Variants in TAF3 observed in about 807,000 individuals in gnomAD.
The protein encoded by TAF3 is TATA-box binding protein associated factor 3.
Under a neutral mutation model 80.6 loss-of-function variants are expected in TAF3, and 7 were observed. That is an observed-to-expected ratio of 0.09 (90% CI 0.05 to 0.16). The LOEUF (loss-of-function observed/expected upper bound fraction) is 0.16, where lower values mean the gene tolerates loss of function less well. Ranked by LOEUF, TAF3 falls within the 10% of genes least tolerant of loss-of-function variation. The pLI is 1.00. For synonymous variants in TAF3, 444 were observed against 446.1 expected, an observed-to-expected ratio of 1.00 and a Z score of 0.06; for missense variants, 921 against 1,140.2, an observed-to-expected ratio of 0.81 and a Z score of 2.77.
At chr10:7,826,473 C>T (rs927718975) in intron 2 of TAF3, among the ~76,000 whole-genome samples, 2 of 147,036 alleles carry the variant, frequency 1.4e-5, no homozygotes, top group African/African-American at 4.9e-5. Context: ...TGTTTTGATA[C>T]TGACTTCTGG....
At chr10:7,869,612 C>G (rs1450843438) in intron 2 of TAF3, among the ~76,000 whole-genome samples, 2 of 152,226 alleles carry the variant, frequency 1.3e-5, no homozygotes, top group Admixed American at 6.5e-5. Context: ...TTTGCGTTTT[C>G]TCATAATTTC....
At chr10:7,926,837 T>C (rs1000603060) in intron 2 of TAF3, among the ~76,000 whole-genome samples, 1 of 152,212 alleles carries the variant, frequency 6.6e-6, no homozygotes. Context: ...TATTTAATCA[T>C]GGGTAAATTT....
chr10:7,850,886 T>G (rs1805144042), intron 2 of TAF3, among the ~76,000 whole-genome samples: 1 of 152,160 alleles, frequency 6.6e-6, no homozygotes, highest in Admixed American at 6.6e-5. Flanking sequence ...CATGTGTATG[T>G]TATGGTACTT....
rs149259001 is a variant in TAF3 at position 7,824,936 on chromosome 10, A to G, written c.409+376A>G. Among the ~76,000 whole-genome samples, 464 of 152,348 alleles carry G rather than the reference A, an allele frequency of 3.0e-3. 7 individuals carry two copies. Among genetic ancestry groups the G allele is most frequent in the African/African-American group, 0.011 (438 of 41,588 alleles). On this transcript the variant is annotated intron_variant, in intron 2 of 6. Coordinates refer to ENST00000344293, the MANE Select transcript of TAF3 (RefSeq NM_031923.4). ...TTCCTCCTCGCTTATTATTCAGGCCATGAGTTGAATGCCATGGCTTTATAC... is the reference window on the plus strand; with the variant it reads ...TTCCTCCTCGCTTATTATTCAGGCCGTGAGTTGAATGCCATGGCTTTATAC...
intron 3 of TAF3, among the ~76,000 whole-genome samples, chr10:7,973,257 C>T (rs1831637978): frequency 6.6e-6 from 1 of 152,128 alleles, no homozygotes; most frequent in African/African-American, 2.4e-5. Context: ...ACACACAACT[C>T]AATAATAGTA....
At chr10:7,845,292 C>T (rs1283898410) in intron 2 of TAF3, among the ~76,000 whole-genome samples, 1 of 150,750 alleles carries the variant, frequency 6.6e-6, no homozygotes, top group Admixed American at 6.6e-5. Flanking sequence ...TTTTTGACGC[C>T]GCCCTCCAGG....
chr10:7,826,716 G>C (rs1486376759), intron 2 of TAF3, among the ~76,000 whole-genome samples: 1 of 152,144 alleles, frequency 6.6e-6, no homozygotes, highest in Non-Finnish European at 1.5e-5. Context: ...TGCAGTAAGT[G>C]GTAGGCAGTA....
rs781505085 is a variant in TAF3 at position 7,824,310 on chromosome 10, T to C, written c.167-8T>C. On this transcript the variant is annotated splice_region_variant and splice_polypyrimidine_tract_variant and intron_variant, in intron 1 of 6. Coordinates refer to ENST00000344293, the MANE Select transcript of TAF3 (RefSeq NM_031923.4). ...AAATAATTTGATTTGCTTTTCACTTTGTTTCAGATGGCCGAACAGACCCAA... is the reference window on the plus strand; with the variant it reads ...AAATAATTTGATTTGCTTTTCACTTCGTTTCAGATGGCCGAACAGACCCAA... 7.0e-6 allele frequency: 11 copies of C among 1,567,422 alleles called. No individual in the cohort carries two copies. The South Asian group carries it at 1.2e-4, about 17-fold the overall frequency.
At chr10:7,939,040 A>G (rs1837951689) in intron 2 of TAF3, among the ~76,000 whole-genome samples, 1 of 152,254 alleles carries the variant, frequency 6.6e-6, no homozygotes, top group Admixed American at 6.5e-5. Flanking sequence ...ACCAGCCTGC[A>G]GAGAAGATTA....
At chr10:7,873,944 G>A (rs1266880754) in intron 2 of TAF3, among the ~76,000 whole-genome samples, 1 of 152,172 alleles carries the variant, frequency 6.6e-6, no homozygotes, top group Non-Finnish European at 1.5e-5. Flanking sequence ...TTACCGCTGT[G>A]TTTCCCCTCG....
At chr10:7,838,375 G>GT (rs1554775951) in intron 2 of TAF3, among the ~76,000 whole-genome samples, 1 of 151,316 alleles carries the variant, frequency 6.6e-6, no homozygotes, top group African/African-American at 2.4e-5. Context: ...TTTTGTTGTT[G>GT]TTGTTTGTTT....
intron 3 of TAF3, among the ~76,000 whole-genome samples, chr10:7,967,300 C>T (rs1268952837): frequency 1.3e-5 from 2 of 152,228 alleles, no homozygotes; most frequent in Admixed American, 6.5e-5. Flanking sequence ...GTTCCTGTCA[C>T]CACCATCTTC....
intron 2 of TAF3, among the ~76,000 whole-genome samples, chr10:7,915,394 C>T (rs1171000398): frequency 2.7e-5 from 4 of 150,512 alleles, no homozygotes; most frequent in African/African-American, 9.7e-5. Flanking sequence ...CCTGTAATCC[C>T]AGCACTTTGG....
At position 8,015,502 on chromosome 10, in the gene TAF3, A is replaced by G. The variant is rs146286595; in HGVS notation, c.*751A>G. 10 of 152,288 alleles carry G rather than the reference A, an allele frequency of 6.6e-5. No homozygotes were observed. Among genetic ancestry groups the G allele is most frequent in the African/African-American group, 2.4e-4 (10 of 41,560 alleles). 9.4% of individuals were successfully genotyped at this position (152,288 alleles called of 1,614,324 possible). ...AACTTGTATAAAAACTCTTCAGACT[A>G]AAAGATTGCCCCTAATGTAAATAAT... is the stretch of plus-strand genomic sequence containing the variant. On this transcript the variant is annotated 3_prime_UTR_variant, in exon 7 of 7. Transcript: ENST00000344293.
intron 4 of TAF3, among the ~76,000 whole-genome samples, chr10:7,987,295 A>G (rs1223351774): frequency 6.6e-6 from 1 of 152,134 alleles, no homozygotes; most frequent in African/African-American, 2.4e-5. Flanking sequence ...CAGCTTGGGC[A>G]ATAGGAGTGA....
chr10:7,966,117 G>T (rs752463640), intron 3 of TAF3, among the ~76,000 whole-genome samples: 19 of 152,146 alleles, frequency 1.2e-4, no homozygotes, highest in Non-Finnish European at 1.5e-5. Flanking sequence ...ATTGAGAAAG[G>T]CAGCATCCAT....
intron 2 of TAF3, among the ~76,000 whole-genome samples, chr10:7,890,095 A>G (rs1837444492): frequency 6.6e-6 from 1 of 152,200 alleles, no homozygotes; most frequent in Non-Finnish European, 1.5e-5. Flanking sequence ...AAGACCTTTC[A>G]TGAACCGGCT....
chr10:7,828,579 A>G (rs1182896675), intron 2 of TAF3, among the ~76,000 whole-genome samples: 1 of 151,196 alleles, frequency 6.6e-6, no homozygotes, highest in Non-Finnish European at 1.5e-5. Context: ...CACCAATACC[A>G]TATTTTTTTG....
Position 8,009,034 on chromosome 10 carries a change from G to C in TAF3, c.2316-44G>C, listed in dbSNP as rs750052832. 13 of 1,568,760 alleles carry C rather than the reference G, an allele frequency of 8.3e-6. No homozygotes were observed. In the Admixed American group the frequency reaches 1.5e-4, roughly 19 times the overall value. The stretch of plus-strand genomic sequence containing the variant: ...TTTTTAAGCACGGGTTTGGTTCGAT[G>C]ATGATCCTGTTTTGACTTTTACCTT... On this transcript the variant is annotated intron_variant, in intron 4 of 6. Coordinates refer to ENST00000344293, the MANE Select transcript of TAF3 (RefSeq NM_031923.4). The surrounding 1 kb of genome is among the most constrained non-coding windows in gnomAD (Gnocchi z 4.1).
Sources: allele counts gnomAD v4.1 joint callset (sites outside exome capture counted in the v4.1 genomes callset), GRCh38; gene constraint gnomAD v4.1.1; non-coding constraint Gnocchi (gnomAD v3.1); transcripts MANE v1.5; gene names NCBI Gene and HGNC (gene_info 2026-07-23, HGNC 2026-07-21).